The following HIBADH variants were observed in gnomAD, a reference collection of about 807,000 sequenced individuals.
HIBADH encodes the protein 3-hydroxyisobutyrate dehydrogenase, mitochondrial.
In HIBADH, 25 loss-of-function variants were observed where a neutral mutation model predicts 36.1. The observed-to-expected ratio is 0.69, with a 90% CI of 0.50 to 0.97. The LOEUF (loss-of-function observed/expected upper bound fraction) is 0.97. Among genes scored for constraint, HIBADH ranks in the 50% least tolerant of loss-of-function variants. HIBADH has a pLI of 0.00. For synonymous variants in HIBADH, 160 were observed against 149.5 expected (o/e 1.07, Z -0.51); for missense variants, 421 against 418.0 (o/e 1.01, Z -0.06).
At chr7:27,632,101 G>A (rs929438055) in intron 3 of HIBADH, among the ~76,000 whole-genome samples, 2 of 152,026 alleles carry the variant, frequency 1.3e-5, no homozygotes, top group African/African-American at 2.4e-5. Context: ...TAAGTTTAAC[G>A]CAAGAGTTAA....
rs1032378759 is a variant in HIBADH at position 27,643,957 on chromosome 7, G to A, written c.252+5516C>T. ...GCTTTAGGGTCCACCCTAAATCCAC[G>A]ATGATCTCATCTTAACTTTAGATCG... On this transcript the variant is annotated intron_variant, in intron 2 of 7. Coordinates refer to ENST00000265395, the MANE Select transcript of HIBADH (RefSeq NM_152740.4). Among the ~76,000 whole-genome samples the A allele has an allele frequency of 7.9e-5, 12 of 152,270 alleles. No homozygotes were observed. In the South Asian group the frequency reaches 1.0e-3, roughly 13 times the overall value.
chr7:27,559,023 C>T (rs1475878579), intron 4 of HIBADH, among the ~76,000 whole-genome samples: 2 of 152,124 alleles, frequency 1.3e-5, no homozygotes, highest in African/African-American at 2.4e-5. Context: ...AAGGTGTTGG[C>T]AGGATTGGTT....
chr7:27,570,865 ACTC>A (rs1358413807), intron 4 of HIBADH, among the ~76,000 whole-genome samples: 2 of 151,982 alleles, frequency 1.3e-5, no homozygotes, highest in African/African-American at 2.4e-5. Flanking sequence ...AAAAATTTAA[ACTC>A]CTATTTGATA....
chr7:27,647,072 A>G (rs937248984), intron 2 of HIBADH, among the ~76,000 whole-genome samples: 1 of 152,204 alleles, frequency 6.6e-6, no homozygotes, highest in Non-Finnish European at 1.5e-5. Context: ...AACAACAACA[A>G]TAAAATAGAA....
intron 4 of HIBADH, among the ~76,000 whole-genome samples, chr7:27,624,269 CA>C (rs367840863): frequency 1.3e-5 from 2 of 152,064 alleles, no homozygotes; most frequent in African/African-American, 4.8e-5. Context: ...GCAACAAGAA[CA>C]AGGCTAGAGA....
intron 1 of HIBADH, among the ~76,000 whole-genome samples, chr7:27,650,791 T>G (rs770640133): frequency 6.5e-4 from 99 of 151,712 alleles, no homozygotes; most frequent in Non-Finnish European, 1.5e-4. Context: ...CTTTTTGAAA[T>G]TACTCCGTGG....
At chr7:27,585,983 G>A (rs1445974819) in intron 4 of HIBADH, among the ~76,000 whole-genome samples, 1 of 152,188 alleles carries the variant, frequency 6.6e-6, no homozygotes, top group African/African-American at 2.4e-5. Flanking sequence ...AAGATAGGTG[G>A]TTATGTAATT....
chr7:27,602,437 A>AAAAGCAGC (rs1298126369), intron 4 of HIBADH, among the ~76,000 whole-genome samples: 2 of 152,320 alleles, frequency 1.3e-5, no homozygotes, highest in African/African-American at 4.8e-5. Flanking sequence ...GCAGGGAAGA[A>AAAAGCAGC]AAAGCAGCAG....
At chr7:27,577,414 C>T (rs1249206444) in intron 4 of HIBADH, among the ~76,000 whole-genome samples, 1 of 152,190 alleles carries the variant, frequency 6.6e-6, no homozygotes, top group African/African-American at 2.4e-5. Flanking sequence ...CTGCCGACCT[C>T]GGCCTCCCAA....
intron 2 of HIBADH, among the ~76,000 whole-genome samples, chr7:27,643,456 T>C (rs746795089): frequency 7.2e-5 from 11 of 152,224 alleles, no homozygotes; most frequent in Non-Finnish European, 1.3e-4. Context: ...TTAAGCTCCA[T>C]GCATAATTAA....
At chr7:27,559,426 A>C (rs1250396020) in intron 4 of HIBADH, among the ~76,000 whole-genome samples, 1 of 152,170 alleles carries the variant, frequency 6.6e-6, no homozygotes, top group African/African-American at 2.4e-5. Flanking sequence ...GTTCGAGACC[A>C]GCTTAAGCAA....
At chr7:27,526,449 G>A in intron 7 of HIBADH, 77 bp from the exon 8 acceptor site, 2 of 1,196,602 alleles carry the variant, frequency 1.7e-6, no homozygotes, top group Non-Finnish European at 2.2e-6. Flanking sequence ...TTATGTTTTG[G>A]TTTGAAAGAA....
chr7:27,550,220 T>C (rs1481621498), intron 4 of HIBADH, among the ~76,000 whole-genome samples: 6 of 152,164 alleles, frequency 3.9e-5, no homozygotes, highest in South Asian at 2.1e-4. Context: ...GCATTTCTTA[T>C]ATAATCTCAA....
At chr7:27,592,463 C>T (rs1311273839) in intron 4 of HIBADH, among the ~76,000 whole-genome samples, 3 of 152,032 alleles carry the variant, frequency 2.0e-5, no homozygotes, top group African/African-American at 7.2e-5. Context: ...AGAATAAAAA[C>T]AATAAAACAA....
intron 4 of HIBADH, among the ~76,000 whole-genome samples, chr7:27,550,709 C>T (rs2128185407): frequency 6.6e-6 from 1 of 152,260 alleles, no homozygotes; most frequent in South Asian, 2.1e-4. Flanking sequence ...ACTTACACTA[C>T]TCTAATCAAT....
At chr7:27,571,279 ATGGTG>A (rs1466987296) in intron 4 of HIBADH, among the ~76,000 whole-genome samples, 1 of 151,674 alleles carries the variant, frequency 6.6e-6, no homozygotes, top group African/African-American at 2.4e-5. Flanking sequence ...CTGGAGTGCA[ATGGTG>A]TGATCTTGGT....
intron 6 of HIBADH, among the ~76,000 whole-genome samples, chr7:27,536,750 A>G (rs1784076786): frequency 6.6e-6 from 1 of 152,154 alleles, no homozygotes; most frequent in Non-Finnish European, 1.5e-5. Context: ...CTGACAGGAA[A>G]ATTATTCAAG....
intron 5 of HIBADH, chr7:27,541,603 G>A (rs913402106): frequency 3.8e-6 from 1 of 261,412 alleles, no homozygotes. Context: ...GAGGGCAAAC[G>A]CAGCCGCAGA....
chr7:27,636,899 G>A (rs12674175), intron 2 of HIBADH, among the ~76,000 whole-genome samples: 19,301 of 152,138 alleles, frequency 0.13, 1,602 homozygotes, highest in East Asian at 0.41. Context: ...CTCCTAGTTT[G>A]GTTTTAATTT....
Sources: allele counts gnomAD v4.1 joint callset (sites outside exome capture counted in the v4.1 genomes callset), GRCh38; gene constraint gnomAD v4.1.1; transcripts MANE v1.5; gene names NCBI Gene and HGNC (gene_info 2026-07-23, HGNC 2026-07-21).